PCDH15: variants seen among roughly 807,000 people sequenced by gnomAD.
PCDH15 encodes protocadherin related 15.
In PCDH15, 129 loss-of-function variants were observed where a neutral mutation model predicts 178.5. The observed-to-expected ratio is 0.72, with a 90% confidence interval of 0.63 to 0.84. The LOEUF is 0.84. PCDH15 is among the 40% of genes least tolerant of loss of function. PCDH15 has a pLI of 0.00. For synonymous variants in PCDH15, 800 were observed against 732.0 expected, an observed-to-expected ratio of 1.09 and a Z score of -1.50; for missense variants, 2,230 against 2,099.9, an observed-to-expected ratio of 1.06 and a Z score of -1.21.
At chr10:55,027,616 T>C (rs1010465626) in intron 2 of PCDH15, among the ~76,000 whole-genome samples, 1 of 151,820 alleles carries the variant, frequency 6.6e-6, no homozygotes, top group Non-Finnish European at 1.5e-5. Flanking sequence ...TGTTACATAA[T>C]AGAACCTCAC....
chr10:53,976,389 C>A (rs193294271), intron 21 of PCDH15, among the ~76,000 whole-genome samples: 16 of 152,020 alleles, frequency 1.1e-4, no homozygotes, highest in African/African-American at 3.9e-4. Flanking sequence ...GATCTCACAC[C>A]CCCTTCTCCT....
chr10:54,364,833 C>A (rs1277845783), intron 5 of PCDH15, among the ~76,000 whole-genome samples: 2 of 152,076 alleles, frequency 1.3e-5, no homozygotes, highest in Non-Finnish European at 2.9e-5. Flanking sequence ...CACTTCCAAG[C>A]TCATTCAGAT....
At chr10:54,603,471 G>T (rs1315555934) in intron 2 of PCDH15, among the ~76,000 whole-genome samples, 1 of 148,852 alleles carries the variant, frequency 6.7e-6, no homozygotes, top group Non-Finnish European at 1.5e-5. Context: ...ATTTTTTTAG[G>T]TTGTTTATTT....
chr10:55,347,648 T>C (rs1471795053), intron 2 of PCDH15, among the ~76,000 whole-genome samples: 1 of 152,174 alleles, frequency 6.6e-6, no homozygotes, highest in Non-Finnish European at 1.5e-5. Flanking sequence ...GTTGCATTGT[T>C]ATAAATAATA....
chr10:55,016,102 A>ATTT (rs1564718213), intron 2 of PCDH15, among the ~76,000 whole-genome samples: 15 of 59,228 alleles, frequency 2.5e-4, no homozygotes, highest in African/African-American at 5.6e-4. Context: ...TTTTTTTAAA[A>ATTT]AAAAAAAAAA....
In PCDH15 at chr10:54,246,642, C is replaced by T. The variant is rs568693691; in HGVS notation, c.877-9711G>A. ...GTATGCTGTGAGGATAATGCTCTTA[C>T]GAACACTCTTGAGTATGTCTTCTTA... is the stretch of plus-strand genomic sequence containing the variant. On this transcript the variant is annotated intron_variant, in intron 8 of 37. Coordinates refer to ENST00000644397, the MANE Select transcript of PCDH15 (RefSeq NM_001384140.1). Among the ~76,000 whole-genome samples the T allele has an allele frequency of 4.6e-5, 7 of 151,626 alleles. No homozygotes were observed. The East Asian group carries it at 7.7e-4, about 17-fold the overall frequency.
chr10:53,924,572 C>T (rs893431570), intron 25 of PCDH15, among the ~76,000 whole-genome samples: 1 of 152,244 alleles, frequency 6.6e-6, no homozygotes. Flanking sequence ...GGGTGCACAG[C>T]GCCGGACTGG....
chr10:55,263,225 C>T (rs1842193472), intron 1 of PCDH15, among the ~76,000 whole-genome samples: 1 of 152,156 alleles, frequency 6.6e-6, no homozygotes, highest in African/African-American at 2.4e-5. Flanking sequence ...CCTAACCGGT[C>T]TGGTAAAAAC....
chr10:54,887,489 T>C (rs1253947715), intron 3 of PCDH15, among the ~76,000 whole-genome samples: 1 of 152,082 alleles, frequency 6.6e-6, no homozygotes, highest in African/African-American at 2.4e-5. Flanking sequence ...ATAATCAAAT[T>C]TTATCATTCT....
intron 2 of PCDH15, among the ~76,000 whole-genome samples, chr10:55,077,398 T>TCTTC (rs58045517): frequency 0.034 from 4,720 of 137,508 alleles, 126 homozygotes; most frequent in East Asian, 0.074. Context: ...TGGTTTTCTC[T>TCTTC]CTTCCTTCCT....
intron 2 of PCDH15, among the ~76,000 whole-genome samples, chr10:55,086,340 T>G (rs1842166937): frequency 6.6e-6 from 1 of 152,082 alleles, no homozygotes; most frequent in South Asian, 2.1e-4. Flanking sequence ...TAAGATTGTC[T>G]GAATTTTGTG....
intron 2 of PCDH15, among the ~76,000 whole-genome samples, chr10:55,341,866 G>A (rs1844609302): frequency 2.4e-5 from 3 of 127,220 alleles, no homozygotes; most frequent in Non-Finnish European, 1.6e-5. Flanking sequence ...TGCCCAGGAT[G>A]GTATCCATCT....
At chr10:54,013,279 C>A (rs951577164) in intron 20 of PCDH15, among the ~76,000 whole-genome samples, 5 of 152,146 alleles carry the variant, frequency 3.3e-5, no homozygotes, top group African/African-American at 9.7e-5. Context: ...TACAGACCTA[C>A]AAAGAGACTT....
At chr10:54,613,433 T>C (rs886764038) in intron 2 of PCDH15, among the ~76,000 whole-genome samples, 4 of 151,794 alleles carry the variant, frequency 2.6e-5, no homozygotes, top group Non-Finnish European at 4.4e-5. Context: ...CAGGGAAACA[T>C]GTTCCATCAC....
intron 1 of PCDH15, among the ~76,000 whole-genome samples, chr10:55,304,148 G>A (rs1351267551): frequency 6.6e-6 from 1 of 152,090 alleles, no homozygotes; most frequent in Middle Eastern, 3.2e-3. Flanking sequence ...CTGGGTGGGT[G>A]TGACCAGAGT....
intron 2 of PCDH15, among the ~76,000 whole-genome samples, chr10:55,604,925 A>G (rs1843178180): frequency 6.6e-6 from 1 of 151,450 alleles, no homozygotes; most frequent in Admixed American, 6.6e-5. Context: ...TAGAGACACA[A>G]AAAACCCTTC....
At chr10:54,803,379 T>C (rs543110318), upstream of PCDH15, among the ~76,000 whole-genome samples, 1 of 152,204 alleles carries the variant, frequency 6.6e-6, no homozygotes, top group African/African-American at 2.4e-5. Context: ...TTTAAGACGC[T>C]TAACTTTCTG....
At chr10:54,995,352 GACGACAGAGCGAGACT>G (rs1228530208) in intron 2 of PCDH15, among the ~76,000 whole-genome samples, 67 of 142,100 alleles carry the variant, frequency 4.7e-4, no homozygotes, top group Admixed American at 2.5e-3. Context: ...CTCCAGCCTG[GACGACAGAGCGAGACT>G]ACGACAGAGC....
chr10:54,570,857 G>A (rs867335849), intron 2 of PCDH15, among the ~76,000 whole-genome samples: 5 of 147,868 alleles, frequency 3.4e-5, no homozygotes, highest in South Asian at 2.1e-4. Flanking sequence ...TAGTAGAGAC[G>A]GAGTTTCACC....
Sources: gnomAD v4.1 joint callset for allele counts (sites outside exome capture counted in the v4.1 genomes callset) on GRCh38, gnomAD v4.1.1 for gene constraint, MANE v1.5 for transcripts, NCBI Gene and HGNC (gene_info 2026-07-23, HGNC 2026-07-21) for gene names.